SHISA9: variants seen among roughly 807,000 people sequenced by gnomAD.
SHISA9 encodes the protein shisa family member 9.
In SHISA9, 13 loss-of-function variants were observed where a neutral mutation model predicts 38.0. That is an observed-to-expected ratio of 0.34 (90% CI 0.22 to 0.54). SHISA9 has a LOEUF of 0.54. Ranked by LOEUF, SHISA9 falls within the 20% of genes least tolerant of loss-of-function variation. The probability of loss-of-function intolerance (pLI) is 0.91; values close to 1 mark genes in which losing one functional copy is unlikely to be tolerated. For missense variants in SHISA9, 538 were observed against 575.8 expected (o/e 0.93, Z 0.67); for synonymous variants, 275 against 242.0 (o/e 1.14, Z -1.27).
intron 2 of SHISA9, among the ~76,000 whole-genome samples, chr16:13,011,681 C>A (rs937364362): frequency 2.6e-5 from 4 of 152,160 alleles, no homozygotes; most frequent in Non-Finnish European, 4.4e-5. Context: ...GCCACCATGC[C>A]TGGCTAATTT....
chr16:13,360,559 G>C, the SHISA9 span, among the ~76,000 whole-genome samples: 1 of 152,142 alleles, frequency 6.6e-6, no homozygotes, highest in Non-Finnish European at 1.5e-5. Context: ...GGATGTGTTT[G>C]CTTCCCCTTC....
At chr16:13,141,771 C>G (rs564364214) in intron 2 of SHISA9, among the ~76,000 whole-genome samples, 1 of 152,114 alleles carries the variant, frequency 6.6e-6, no homozygotes, top group South Asian at 2.1e-4. Flanking sequence ...TCCTTGCCCT[C>G]GTTTGTCATT....
the SHISA9 span, among the ~76,000 whole-genome samples, chr16:13,319,563 G>A: frequency 1.3e-5 from 2 of 152,240 alleles, no homozygotes; most frequent in Admixed American, 1.3e-4. Flanking sequence ...GCTGGAAAGA[G>A]CCCAGCTTCA....
the SHISA9 span, among the ~76,000 whole-genome samples, chr16:13,550,777 C>T: frequency 3.3e-5 from 5 of 152,216 alleles, no homozygotes; most frequent in Non-Finnish European, 7.3e-5. Context: ...ATGTCTCTGT[C>T]CCTGCTTCTT....
At chr16:13,270,253 C>G in the SHISA9 span, among the ~76,000 whole-genome samples, 2 of 152,092 alleles carry the variant, frequency 1.3e-5, no homozygotes, top group Non-Finnish European at 2.9e-5. Flanking sequence ...GAGCATTGGG[C>G]TGATACATTG....
At chr16:13,296,425 G>A in the SHISA9 span, among the ~76,000 whole-genome samples, 1 of 151,294 alleles carries the variant, frequency 6.6e-6, no homozygotes, top group Non-Finnish European at 1.5e-5. Flanking sequence ...ACAGCACGCA[G>A]GGGGGAAAAA....
At chr16:12,991,735 G>A (rs968875328) in intron 2 of SHISA9, among the ~76,000 whole-genome samples, 2 of 151,994 alleles carry the variant, frequency 1.3e-5, no homozygotes, top group South Asian at 2.1e-4. Flanking sequence ...TTTAAGAGTC[G>A]CAAGGGATCT....
chr16:12,977,264 C>A (rs569479063), intron 2 of SHISA9, among the ~76,000 whole-genome samples: 2 of 152,170 alleles, frequency 1.3e-5, no homozygotes, highest in East Asian at 3.9e-4. Context: ...CCCTTGCTCT[C>A]AGGGAATTCA....
At chr16:13,436,709 C>T in the SHISA9 span, among the ~76,000 whole-genome samples, 2 of 152,154 alleles carry the variant, frequency 1.3e-5, no homozygotes, top group Non-Finnish European at 2.9e-5. Context: ...TCTGGTAATA[C>T]TAGTTCCTGA....
chr16:13,323,336 C>A, the SHISA9 span, among the ~76,000 whole-genome samples: 10 of 152,168 alleles, frequency 6.6e-5, no homozygotes, highest in Admixed American at 6.5e-4. Flanking sequence ...GTTGAGTCAA[C>A]AGATGCATTT....
At chr16:13,197,243 A>G (rs1275702029) in intron 2 of SHISA9, among the ~76,000 whole-genome samples, 1 of 151,908 alleles carries the variant, frequency 6.6e-6, no homozygotes, top group Non-Finnish European at 1.5e-5. Context: ...AAACAACACT[A>G]TTTGACCATC....
At chr16:13,166,073 A>G (rs2050633035) in intron 2 of SHISA9, among the ~76,000 whole-genome samples, 1 of 152,210 alleles carries the variant, frequency 6.6e-6, no homozygotes, top group Non-Finnish European at 1.5e-5. Context: ...GCAGGAGATT[A>G]GTCTTGGCAT....
the SHISA9 span, among the ~76,000 whole-genome samples, chr16:13,377,434 G>A: frequency 1.3e-5 from 2 of 152,132 alleles, no homozygotes; most frequent in Non-Finnish European, 2.9e-5. Flanking sequence ...TCATTAGCTT[G>A]GAGGGAGGGA....
the SHISA9 span, among the ~76,000 whole-genome samples, chr16:13,488,873 T>C: frequency 1.3e-5 from 2 of 152,238 alleles, no homozygotes; most frequent in African/African-American, 4.8e-5. Context: ...GCCATTCTCC[T>C]GCCTCAGCCT....
At chr16:13,324,895 C>T in the SHISA9 span, among the ~76,000 whole-genome samples, 54 of 152,228 alleles carry the variant, frequency 3.5e-4, no homozygotes, top group African/African-American at 1.1e-3. Context: ...TATCTCAAAG[C>T]GGGGGCTTCC....
chr16:13,546,163 A>T, the SHISA9 span, among the ~76,000 whole-genome samples: 1 of 152,178 alleles, frequency 6.6e-6, no homozygotes, highest in Non-Finnish European at 1.5e-5. Flanking sequence ...GGAGTTAGAA[A>T]TGTGCAACCC....
the SHISA9 span, among the ~76,000 whole-genome samples, chr16:13,549,029 A>C: frequency 2.6e-5 from 4 of 152,224 alleles, no homozygotes; most frequent in Non-Finnish European, 5.9e-5. Context: ...CTATTTGGCC[A>C]CATAAAAAAG....
chr16:13,011,319 AT>A (rs55755155), intron 2 of SHISA9, among the ~76,000 whole-genome samples: 1,443 of 127,612 alleles, frequency 0.011, 4 homozygotes, highest in African/African-American at 0.028. Flanking sequence ...ATTAGCACTC[AT>A]TTTTTTTTTT....
chr16:13,410,734 GC>G, the SHISA9 span, among the ~76,000 whole-genome samples: 1 of 152,202 alleles, frequency 6.6e-6, no homozygotes, highest in Non-Finnish European at 1.5e-5. Context: ...GTCAGGTTGT[GC>G]CTGAATTAGA....
Sources: allele counts gnomAD v4.1 joint callset (sites outside exome capture counted in the v4.1 genomes callset), GRCh38; gene constraint gnomAD v4.1.1; transcripts MANE v1.5; gene names NCBI Gene and HGNC (gene_info 2026-07-23, HGNC 2026-07-21).